PTPRN2: variants seen among roughly 807,000 people sequenced by gnomAD.
PTPRN2 encodes protein tyrosine phosphatase receptor type N2.
PTPRN2 carries 74 observed loss-of-function variants against 118.8 expected under a neutral mutation model. That is an observed-to-expected ratio of 0.62 (90% CI 0.52 to 0.76). PTPRN2 has a LOEUF of 0.76. Ranked by LOEUF, PTPRN2 falls within the 30% of genes least tolerant of loss-of-function variation. The probability of loss-of-function intolerance (pLI) is 0.00; values close to 1 mark genes in which losing one functional copy is unlikely to be tolerated. For synonymous variants in PTPRN2, 641 were observed against 608.0 expected, an observed-to-expected ratio of 1.05 and a Z score of -0.80; for missense variants, 1,481 against 1,394.4, an observed-to-expected ratio of 1.06 and a Z score of -0.99.
At chr7:158,033,251 G>C (rs1423648176) in intron 11 of PTPRN2, among the ~76,000 whole-genome samples, 1 of 138,770 alleles carries the variant, frequency 7.2e-6, no homozygotes, top group African/African-American at 2.8e-5. Context: ...GAGCTGTGGT[G>C]ATCTTCTTGA....
chr7:157,761,793 C>T (rs6459810), intron 12 of PTPRN2, among the ~76,000 whole-genome samples: 36,369 of 149,180 alleles, frequency 0.24, 7,061 homozygotes, highest in African/African-American at 0.5. Flanking sequence ...CAAAAGAAAC[C>T]GCCATCAGAG....
At chr7:158,335,379 C>G (rs373145684) in intron 2 of PTPRN2, among the ~76,000 whole-genome samples, 474 of 16,022 alleles carry the variant, frequency 0.03, no homozygotes, top group African/African-American at 0.069. Context: ...CATACTCTCA[C>G]CATAAGAGCT....
At chr7:157,703,975 A>G (rs1347089633) in intron 12 of PTPRN2, among the ~76,000 whole-genome samples, 1 of 152,100 alleles carries the variant, frequency 6.6e-6, no homozygotes, top group Non-Finnish European at 1.5e-5. Flanking sequence ...CACTCGCCCA[A>G]AGCTGACGGC....
At chr7:157,823,739 T>C (rs1429881361) in intron 12 of PTPRN2, among the ~76,000 whole-genome samples, 1 of 152,252 alleles carries the variant, frequency 6.6e-6, no homozygotes, top group African/African-American at 2.4e-5. Flanking sequence ...CTTCAAAGGC[T>C]TGATATATAT....
chr7:158,234,492 A>G (rs552254297), intron 3 of PTPRN2, among the ~76,000 whole-genome samples: 1 of 151,428 alleles, frequency 6.6e-6, no homozygotes, highest in South Asian at 2.1e-4. Context: ...AAATAAAAAC[A>G]TACAAATGGC....
chr7:158,238,128 C>T (rs970239851), intron 3 of PTPRN2, among the ~76,000 whole-genome samples: 21 of 152,208 alleles, frequency 1.4e-4, no homozygotes, highest in African/African-American at 2.4e-4. Context: ...GCGGCTAAGT[C>T]GCTAAGTCAC....
intron 2 of PTPRN2, among the ~76,000 whole-genome samples, chr7:158,449,343 C>T (rs1253031871): frequency 6.6e-6 from 1 of 152,166 alleles, no homozygotes; most frequent in African/African-American, 2.4e-5. Context: ...CCCACAGGGC[C>T]CTCCCGGAGC....
At chr7:158,146,946 C>A (rs1488087623) in intron 6 of PTPRN2, among the ~76,000 whole-genome samples, 3 of 148,596 alleles carry the variant, frequency 2.0e-5, no homozygotes, top group African/African-American at 7.5e-5. Flanking sequence ...ACGTGTCTTT[C>A]CCCCTCAATG....
intron 12 of PTPRN2, among the ~76,000 whole-genome samples, chr7:157,708,483 G>A (rs1798442747): frequency 6.6e-6 from 1 of 152,042 alleles, no homozygotes; most frequent in Non-Finnish European, 1.5e-5. Context: ...GTGGCTCTCG[G>A]CCATTCAGGA....
chr7:157,815,393 G>A (rs868781986), intron 12 of PTPRN2, among the ~76,000 whole-genome samples: 83 of 148,870 alleles, frequency 5.6e-4, no homozygotes, highest in African/African-American at 2.1e-3. Context: ...TGGTCAAAAG[G>A]CAGGACTGGT....
chr7:158,002,673 A>C (rs1056167835), intron 11 of PTPRN2, among the ~76,000 whole-genome samples: 1 of 152,188 alleles, frequency 6.6e-6, no homozygotes, highest in Non-Finnish European at 1.5e-5. Flanking sequence ...GGAAATGTCC[A>C]GGAATCCTGG....
rs1806409224 is a variant in PTPRN2 at position 158,015,802 on chromosome 7, A to G, written c.1723+65496T>C. Among the ~76,000 whole-genome samples, 2 of 152,242 alleles carry G rather than the reference A, an allele frequency of 1.3e-5. 1 individual carries two copies. The highest frequency in any genetic ancestry group is 4.1e-4 in the South Asian group (2 of 4,832). ...GGTCCCAGGTCCAACACTAAGGGAA[A>G]CACATCCATTCACTACAGCCTAGTA... On this transcript the variant is annotated intron_variant, in intron 11 of 22. Transcript: ENST00000389418. This position sits in a 1 kb window ranked among gnomAD's most constrained non-coding sequence, Gnocchi z 4.2.
intron 1 of PTPRN2, among the ~76,000 whole-genome samples, chr7:158,587,284 C>G (rs1829013261): frequency 1.3e-5 from 1 of 76,752 alleles, no homozygotes; most frequent in Admixed American, 1.7e-4. Flanking sequence ...AGGCGTCCCT[C>G]CCCCAGAACC....
intron 5 of PTPRN2, among the ~76,000 whole-genome samples, chr7:158,187,151 G>A (rs907163472): frequency 2.6e-5 from 4 of 152,178 alleles, no homozygotes; most frequent in African/African-American, 7.2e-5. Flanking sequence ...GTGTTTAAAC[G>A]AGGAGAAAGC....
At chr7:158,474,003 C>A (rs190649304) in intron 2 of PTPRN2, among the ~76,000 whole-genome samples, 8 of 152,162 alleles carry the variant, frequency 5.3e-5, no homozygotes, top group Non-Finnish European at 8.8e-5. Context: ...CTTTCTCCTA[C>A]GTCAGTGACA....
intron 1 of PTPRN2, among the ~76,000 whole-genome samples, chr7:158,577,786 A>G (rs1828420217): frequency 6.6e-6 from 1 of 152,276 alleles, no homozygotes; most frequent in Non-Finnish European, 1.5e-5. Flanking sequence ...GGGCCCATCC[A>G]GGGCCCACAG....
chr7:158,476,705 G>A (rs1563338501), intron 2 of PTPRN2, among the ~76,000 whole-genome samples: 1 of 152,248 alleles, frequency 6.6e-6, no homozygotes, highest in African/African-American at 2.4e-5. Flanking sequence ...TGTAAAACAT[G>A]TTCCTCTAAA....
chr7:158,417,937 A>G (rs1296648672), intron 2 of PTPRN2, among the ~76,000 whole-genome samples: 3 of 139,744 alleles, frequency 2.1e-5, no homozygotes, highest in African/African-American at 8.2e-5. Context: ...CCACTGTGTT[A>G]AGTCATGGTG....
At chr7:158,412,710 T>C (rs1338359408) in intron 2 of PTPRN2, among the ~76,000 whole-genome samples, 3 of 55,394 alleles carry the variant, frequency 5.4e-5, no homozygotes, top group African/African-American at 1.5e-4. Flanking sequence ...CCTCCTCAGC[T>C]CCAGGGCCCA....
Sources: gnomAD v4.1 joint callset for allele counts (sites outside exome capture counted in the v4.1 genomes callset) on GRCh38, gnomAD v4.1.1 for gene constraint, Gnocchi (gnomAD v3.1) non-coding constraint, MANE v1.5 for transcripts, NCBI Gene and HGNC (gene_info 2026-07-23, HGNC 2026-07-21) for gene names.